Variants in SLC1A1 observed in about 807,000 individuals in gnomAD.
SLC1A1 encodes the protein excitatory amino acid transporter 3.
SLC1A1 carries 43 observed loss-of-function variants against 53.3 expected under a neutral mutation model. The ratio of observed to expected loss-of-function variants is 0.81; its 90% CI spans 0.63 to 1.04. The LOEUF is 1.04. SLC1A1 is among the 50% of genes least tolerant of loss of function. The pLI is 0.00. For missense variants in SLC1A1, 748 were observed against 664.9 expected, an observed-to-expected ratio of 1.12 and a Z score of -1.37; for synonymous variants, 307 against 243.2, an observed-to-expected ratio of 1.26 and a Z score of -2.44.
At chr9:4,533,751 C>T (rs1816566200) in intron 1 of SLC1A1, among the ~76,000 whole-genome samples, 1 of 152,202 alleles carries the variant, frequency 6.6e-6, no homozygotes. Flanking sequence ...CCCAAATCAA[C>T]AGAATATACA....
chr9:4,497,734 C>T (rs189959538), intron 1 of SLC1A1, among the ~76,000 whole-genome samples: 49 of 152,234 alleles, frequency 3.2e-4, no homozygotes, highest in Non-Finnish European at 1.2e-4. Flanking sequence ...CTTGAGGTCC[C>T]TCTTATTACA....
rs776623156 is a variant in SLC1A1, at chr9:4,585,465, C to T, written c.1482C>T (p.Asn494=). ...PFALESTILD[N]EDSDTKKSYV... ...CCTTGGAATCCACAATCCTTGACAA[C>T]GAAGACTCAGACACCAAGAAGTCTT... Residue 494 remains asparagine (N), a synonymous_variant, in exon 12 of 12, where the codon AAC becomes AAT. Coordinates refer to ENST00000262352, the MANE Select transcript of SLC1A1 (RefSeq NM_004170.6). The T allele has an allele frequency of 8.5e-5, 138 of 1,614,122 alleles. No homozygotes were observed. The highest frequency in any genetic ancestry group is 5.2e-4 in the South Asian group (47 of 91,074).
intron 3 of SLC1A1, among the ~76,000 whole-genome samples, chr9:4,564,113 A>ACACG (rs1337155402): frequency 1.3e-5 from 2 of 152,144 alleles, no homozygotes; most frequent in East Asian, 1.9e-4. Flanking sequence ...ACACAGACGC[A>ACACG]CACGCACGCA....
chr9:4,566,025 C>G (rs757170835), intron 4 of SLC1A1, 22 bp from the exon 5 acceptor site: 1 of 1,601,650 alleles, frequency 6.2e-7, no homozygotes, highest in East Asian at 2.2e-5. Flanking sequence ...TAACATAATA[C>G]TGCCTTTTAT....
In SLC1A1 at chr9:4,572,378, A is replaced by G. The variant is rs1291488149; in HGVS notation, c.757A>G (p.Ile253Val). The G allele has an allele frequency of 6.2e-7, 1 of 1,613,882 alleles. No homozygotes were observed. The highest frequency in any genetic ancestry group is 2.2e-5 in the East Asian group (1 of 44,874). Residue 253 changes from isoleucine to valine, a missense_variant, in exon 7 of 12, where the codon ATC (isoleucine) becomes GTC (valine). Ile to Val is a conservative substitution (Grantham distance 29). Coordinates refer to ENST00000262352, the MANE Select transcript of SLC1A1 (RefSeq NM_004170.6). ...TGATGCAACCATGAAAATCGTTCAGATCATCATGTGGTGAGCAGACACTGT... is the reference window on the plus strand; with the variant it reads ...TGATGCAACCATGAAAATCGTTCAGGTCATCATGTGGTGAGCAGACACTGT... The part of the protein sequence containing the change: ...LSDATMKIVQ[I>V]IMCYMPLGIL...
intron 2 of SLC1A1, 74 bp from the exon 3 acceptor site, chr9:4,561,375 C>A: frequency 1.1e-6 from 1 of 911,490 alleles, no homozygotes; most frequent in Admixed American, 1.7e-5. Context: ...ATTTCACAAC[C>A]TGAGGATTAA....
At position 4,569,221 on chromosome 9, in the gene SLC1A1, T is replaced by C. The variant is rs113420927; in HGVS notation, c.582+1454T>C. Among the ~76,000 whole-genome samples, 339 of 152,324 alleles carry C rather than the reference T, an allele frequency of 2.2e-3. 2 individuals carry two copies. The highest frequency in any genetic ancestry group is 0.01 in the Middle Eastern group (3 of 294). On this transcript the variant is annotated intron_variant, in intron 6 of 11. Coordinates refer to ENST00000262352, the MANE Select transcript of SLC1A1 (RefSeq NM_004170.6). ...CCTAGTCTGAATCTCTCTGCCCAGA[T>C]GTAATTCAGAGTTCAGAGTTTCTCA...
chr9:4,542,370 T>C (rs1013586233), intron 1 of SLC1A1, among the ~76,000 whole-genome samples: 3 of 152,178 alleles, frequency 2.0e-5, no homozygotes, highest in Non-Finnish European at 2.9e-5. Context: ...TTTAAAAAAA[T>C]CCTGTATCTG....
chr9:4,503,625 T>A (rs1377027035), intron 1 of SLC1A1, among the ~76,000 whole-genome samples: 1 of 151,870 alleles, frequency 6.6e-6, no homozygotes, highest in Admixed American at 6.5e-5. Context: ...ATAAAGGTGA[T>A]GATACACATA....
chr9:4,526,953 G>C (rs965335411), intron 1 of SLC1A1, among the ~76,000 whole-genome samples: 1 of 152,124 alleles, frequency 6.6e-6, no homozygotes, highest in Non-Finnish European at 1.5e-5. Context: ...TTTTGCAAAT[G>C]TAATTAAAGT....
At chr9:4,565,945 A>T (rs1395136463) in intron 4 of SLC1A1, 102 bp from the exon 5 acceptor site, 5 of 908,882 alleles carry the variant, frequency 5.5e-6, no homozygotes, top group Non-Finnish European at 9.3e-6. Context: ...AAGAGAAACC[A>T]GAGTACTAGT....
At chr9:4,526,715 A>G (rs1816273537) in intron 1 of SLC1A1, among the ~76,000 whole-genome samples, 1 of 152,160 alleles carries the variant, frequency 6.6e-6, no homozygotes, top group South Asian at 2.1e-4. Flanking sequence ...TTCTAACAAA[A>G]TTACAATTAA....
At chr9:4,499,156 T>C (rs1820550766) in intron 1 of SLC1A1, among the ~76,000 whole-genome samples, 1 of 151,342 alleles carries the variant, frequency 6.6e-6, no homozygotes, top group Non-Finnish European at 1.5e-5. Flanking sequence ...GCGATTCTTC[T>C]GCCTTAGCCT....
Position 4,583,246 on chromosome 9 carries a change from G to C in SLC1A1, c.1328+74G>C, listed in dbSNP as rs1821271469. ...CCCAGCCTCGCAGGCGCTGCAGTCT[G>C]TCATCATTCTCTCCTCAGATTGCCT... On this transcript the variant is annotated intron_variant, in intron 11 of 11. Coordinates refer to ENST00000262352, the MANE Select transcript of SLC1A1 (RefSeq NM_004170.6). This position sits in a 1 kb window ranked among gnomAD's most constrained non-coding sequence, Gnocchi z 4.6. 6 of 1,583,962 alleles carry C rather than the reference G, an allele frequency of 3.8e-6. No homozygotes were observed. The South Asian group carries it at 5.5e-5, about 15-fold the overall frequency.
At chr9:4,559,794 C>G (rs1258011943) in intron 2 of SLC1A1, 1 of 152,162 alleles carries the variant, frequency 6.6e-6, no homozygotes, top group Non-Finnish European at 1.5e-5. Context: ...GGAAATCAGG[C>G]TTGGTAGTGT....
chr9:4,557,856 G>A (rs573232802), intron 2 of SLC1A1, among the ~76,000 whole-genome samples: 1 of 152,230 alleles, frequency 6.6e-6, no homozygotes, highest in South Asian at 2.1e-4. Context: ...TGGCCTTTGA[G>A]GTAAAATGTA....
chr9:4,582,793 G>A (rs944137153), intron 10 of SLC1A1, among the ~76,000 whole-genome samples: 2 of 152,102 alleles, frequency 1.3e-5, no homozygotes, highest in African/African-American at 4.8e-5. Context: ...CCTTGCATTA[G>A]AGTGATGTGC....
chr9:4,585,384 G>A lies in SLC1A1; in HGVS notation c.1401G>A (p.Lys467=), dbSNP rs754525408. Residue 467 remains lysine, a synonymous_variant, in exon 12 of 12, where the codon AAG becomes AAA. Coordinates refer to ENST00000262352, the MANE Select transcript of SLC1A1 (RefSeq NM_004170.6). ...FGTGIVEKLS[K]KELEQMDVSS... ...CGGGCATTGTGGAAAAGCTCTCCAA[G>A]AAGGAGCTGGAGCAGATGGATGTTT... is the stretch of plus-strand genomic sequence containing the variant. 1.2e-6 allele frequency: 2 copies of A among 1,614,228 alleles called. No individual in the cohort carries two copies. Among genetic ancestry groups the A allele is most frequent in the East Asian group, 2.2e-5 (1 of 44,890 alleles).
At chr9:4,533,433 A>ACTTTAAACC (rs991982230) in intron 1 of SLC1A1, among the ~76,000 whole-genome samples, 1 of 152,160 alleles carries the variant, frequency 6.6e-6, no homozygotes, top group African/African-American at 2.4e-5. Context: ...GATAAAACAG[A>ACTTTAAACC]CTTTAAACCA....
Sources: gnomAD v4.1 joint callset for allele counts (sites outside exome capture counted in the v4.1 genomes callset) on GRCh38, gnomAD v4.1.1 for gene constraint, Gnocchi (gnomAD v3.1) non-coding constraint, MANE v1.5 for transcripts, NCBI Gene and HGNC (gene_info 2026-07-23, HGNC 2026-07-21) for gene names.